Variants in RANBP2 observed in about 807,000 individuals in gnomAD.
RANBP2 encodes the protein RAN binding protein 2, also known as E3 SUMO-protein ligase RanBP2.
Under a neutral mutation model 303.6 loss-of-function variants are expected in RANBP2, and 57 were observed. That is an observed-to-expected ratio of 0.19 (90% CI 0.15 to 0.23). The LOEUF (loss-of-function observed/expected upper bound fraction) is 0.23. Among genes scored for constraint, RANBP2 ranks in the 10% least tolerant of loss-of-function variants. RANBP2 has a pLI of 1.00. For missense variants in RANBP2, 3,138 were observed against 3,780.8 expected (o/e 0.83, Z 4.46); for synonymous variants, 1,167 against 1,301.5 (o/e 0.90, Z 2.23).
At chr2:108,854,767 A>G in the RANBP2 span, among the ~76,000 whole-genome samples, 4 of 152,104 alleles carry the variant, frequency 2.6e-5, no homozygotes, top group African/African-American at 9.7e-5. Context: ...TTATAGGTGA[A>G]GAGTATATAG....
the RANBP2 span, chr2:109,613,783 G>A: frequency 1.1e-5 from 14 of 1,224,580 alleles, no homozygotes; most frequent in South Asian, 3.7e-4. Context: ...GGGCCCCGGC[G>A]TCGGCGGGAC....
the RANBP2 span, among the ~76,000 whole-genome samples, chr2:109,255,161 C>T: frequency 6.6e-6 from 1 of 152,144 alleles, no homozygotes; most frequent in African/African-American, 2.4e-5. Context: ...TGCACGTGTG[C>T]AACTCTTGCT....
At chr2:109,541,537 C>T in the RANBP2 span, among the ~76,000 whole-genome samples, 9 of 152,168 alleles carry the variant, frequency 5.9e-5, no homozygotes, top group Non-Finnish European at 1.3e-4. Context: ...CTTTCAATGG[C>T]TCCCACTGCC....
chr2:109,171,379 G>A, the RANBP2 span, among the ~76,000 whole-genome samples: 1 of 152,164 alleles, frequency 6.6e-6, no homozygotes, highest in African/African-American at 2.4e-5. Flanking sequence ...GCTATTTGTT[G>A]TTAGTGACTA....
chr2:109,214,792 C>T, the RANBP2 span, among the ~76,000 whole-genome samples: 1 of 152,218 alleles, frequency 6.6e-6, no homozygotes, highest in Non-Finnish European at 1.5e-5. Context: ...CTTGCGTCCT[C>T]ACCCCTAAAG....
the RANBP2 span, among the ~76,000 whole-genome samples, chr2:109,644,035 C>T: frequency 4.0e-5 from 6 of 151,706 alleles, no homozygotes; most frequent in African/African-American, 7.3e-5. Flanking sequence ...GCAGGAGAGT[C>T]GCTTGAACCC....
chr2:109,274,326 T>TA, the RANBP2 span, among the ~76,000 whole-genome samples: 1 of 152,176 alleles, frequency 6.6e-6, no homozygotes, highest in East Asian at 1.9e-4. Context: ...GTCAAACAAG[T>TA]ATACAAATGT....
chr2:109,369,029 T>C, the RANBP2 span, among the ~76,000 whole-genome samples: 78,462 of 151,844 alleles, frequency 0.52, 20,920 homozygotes, highest in African/African-American at 0.63. Context: ...CACTCTAGTG[T>C]CCTCGTGGTG....
the RANBP2 span, among the ~76,000 whole-genome samples, chr2:109,344,474 G>A: frequency 2.0e-5 from 3 of 152,344 alleles, no homozygotes; most frequent in African/African-American, 7.2e-5. Flanking sequence ...GCTGAGGCCA[G>A]CGTAGGGGAC....
At chr2:108,854,859 A>T in the RANBP2 span, among the ~76,000 whole-genome samples, 2 of 152,204 alleles carry the variant, frequency 1.3e-5, no homozygotes, top group African/African-American at 4.8e-5. Flanking sequence ...CCAGATTCAA[A>T]GGGTGGGCAG....
At chr2:108,840,153 T>G in the RANBP2 span, among the ~76,000 whole-genome samples, 3 of 152,172 alleles carry the variant, frequency 2.0e-5, no homozygotes, top group African/African-American at 4.8e-5. Flanking sequence ...TGAATTACAT[T>G]GACTTTGAAA....
At chr2:109,141,840 C>T in the RANBP2 span, among the ~76,000 whole-genome samples, 189 of 152,236 alleles carry the variant, frequency 1.2e-3, no homozygotes, top group Middle Eastern at 3.4e-3. Flanking sequence ...CAGGTCCTCG[C>T]CTCCTTTCAC....
At chr2:108,959,447 G>T in the RANBP2 span, among the ~76,000 whole-genome samples, 1 of 152,248 alleles carries the variant, frequency 6.6e-6, no homozygotes, top group African/African-American at 2.4e-5. Context: ...ACCCAGTTCA[G>T]GTCCTCCTGG....
At chr2:109,766,004 A>G in the RANBP2 span, among the ~76,000 whole-genome samples, 1 of 150,296 alleles carries the variant, frequency 6.7e-6, no homozygotes, top group Non-Finnish European at 1.5e-5. Context: ...CTTATGGGTC[A>G]AAACAGAGTA....
chr2:109,519,560 A>G, the RANBP2 span, among the ~76,000 whole-genome samples: 1 of 152,230 alleles, frequency 6.6e-6, no homozygotes, highest in Non-Finnish European at 1.5e-5. Flanking sequence ...GTGTCCCTAC[A>G]GTTGCTGGGG....
At chr2:109,699,337 C>T in the RANBP2 span, among the ~76,000 whole-genome samples, 6 of 151,782 alleles carry the variant, frequency 4.0e-5, no homozygotes, top group Non-Finnish European at 8.8e-5. Flanking sequence ...GTGAACAATG[C>T]GGGGGCTAGG....
chr2:109,676,729 G>A, the RANBP2 span, among the ~76,000 whole-genome samples: 1 of 152,238 alleles, frequency 6.6e-6, no homozygotes, highest in Admixed American at 6.5e-5. Flanking sequence ...ATGCCAGATA[G>A]CACAGTGTGA....
chr2:108,950,333 A>G, the RANBP2 span, among the ~76,000 whole-genome samples: 8 of 151,090 alleles, frequency 5.3e-5, no homozygotes, highest in Admixed American at 1.3e-4. Flanking sequence ...TCACTGCAGC[A>G]TCAAATTTTT....
At chr2:108,727,287 A>T (rs1694798093) in intron 1 of RANBP2, among the ~76,000 whole-genome samples, 1 of 152,188 alleles carries the variant, frequency 6.6e-6, no homozygotes, top group Admixed American at 6.5e-5. Flanking sequence ...AGTTGCTAAG[A>T]TCTATGGTAA....
Sources: gnomAD v4.1 joint callset for allele counts (sites outside exome capture counted in the v4.1 genomes callset) on GRCh38, gnomAD v4.1.1 for gene constraint, MANE v1.5 for transcripts, NCBI Gene and HGNC (gene_info 2026-07-23, HGNC 2026-07-21) for gene names.